The following ZNF705G variants were observed in gnomAD, a reference collection of about 807,000 sequenced individuals.
ZNF705G encodes zinc finger protein 705G.
Under a neutral mutation model 19.6 loss-of-function variants are expected in ZNF705G, and 23 were observed. The observed-to-expected ratio is 1.17, with a 90% CI of 0.84 to 1.66. The LOEUF (loss-of-function observed/expected upper bound fraction) is 1.66. ZNF705G is among the 40% of genes most tolerant of loss of function. The pLI is 0.00. For missense variants in ZNF705G, 457 were observed against 354.4 expected (o/e 1.29, Z -2.32); for synonymous variants, 146 against 117.7 (o/e 1.24, Z -1.56).
chr8:7,383,540 G>A (rs1175657826), intron 1 of ZNF705G, among the ~76,000 whole-genome samples: 1 of 146,610 alleles, frequency 6.8e-6, no homozygotes, highest in Non-Finnish European at 1.5e-5. Context: ...TAAATTGACA[G>A]AGGGAGGAAG....
chr8:7,360,197 A>C (rs1806508035), intron 5 of ZNF705G, 40 bp downstream of exon 5: 2 of 1,585,472 alleles, frequency 1.3e-6, no homozygotes, highest in Non-Finnish European at 1.7e-6. Flanking sequence ...TCATTGACAA[A>C]GCACCTCCTC....
At chr8:7,369,848 G>T (rs1170452590) in intron 2 of ZNF705G, among the ~76,000 whole-genome samples, 1 of 149,026 alleles carries the variant, frequency 6.7e-6, no homozygotes, top group Non-Finnish European at 1.5e-5. Context: ...GTTACACATG[G>T]ACGTAAAGAT....
chr8:7,377,977 AAG>A lies in ZNF705G; in HGVS notation c.-72+3473_-72+3474del, dbSNP rs1304332990. Among the ~76,000 whole-genome samples, 192 of 137,414 alleles carry A rather than the reference AAG, an allele frequency of 1.4e-3. 2 individuals carry two copies. The highest frequency in any genetic ancestry group is 5.9e-3 in the African/African-American group (181 of 30,488). 90.1% of individuals were successfully genotyped at this position (137,414 alleles called of 152,430 possible). On this transcript the variant is annotated intron_variant, in intron 2 of 6. Transcript: ENST00000400156. ...TCAAAAAAAAAAAAAAAAAAAAAAAAAGTTTATATTACATGTTATGACTTGAT... is the reference window on the plus strand; with the variant it reads ...TCAAAAAAAAAAAAAAAAAAAAAAAATTTATATTACATGTTATGACTTGAT...
chr8:7,368,760 C>A (rs575826745), intron 2 of ZNF705G, among the ~76,000 whole-genome samples: 4 of 149,828 alleles, frequency 2.7e-5, no homozygotes, highest in African/African-American at 7.7e-5. Flanking sequence ...CCAGTGCAAG[C>A]ACAGGACAGT....
chr8:7,363,633 CAACATGGTGAAACCCCGTCTGTAGT>C (rs1461251460), intron 2 of ZNF705G, among the ~76,000 whole-genome samples: 1 of 149,342 alleles, frequency 6.7e-6, no homozygotes, highest in African/African-American at 2.6e-5. Context: ...CTAGCCTGGC[CAACATGGTGAAACCCCGTCTGTAGT>C]AAAAATACAA....
chr8:7,382,279 G>A (rs1274055527), intron 1 of ZNF705G, among the ~76,000 whole-genome samples: 1 of 148,000 alleles, frequency 6.8e-6, no homozygotes, highest in Non-Finnish European at 1.5e-5. Context: ...GCTGTAACCT[G>A]AGAATGTTCC....
chr8:7,355,569 A>C lies in ZNF705G; in HGVS notation c.*2407T>G, dbSNP rs1285096377. The C allele has an allele frequency of 6.7e-6, 1 of 149,910 alleles. No homozygotes were observed. Among genetic ancestry groups the C allele is most frequent in the Non-Finnish European group, 1.5e-5 (1 of 68,036 alleles). 9.3% of individuals were successfully genotyped at this position (149,910 alleles called of 1,614,324 possible). A position where few individuals can be genotyped will look rare whatever the true frequency, so the allele number is the denominator to read the frequency against. On this transcript the variant is annotated 3_prime_UTR_variant, in exon 7 of 7. Coordinates refer to ENST00000400156, the MANE Select transcript of ZNF705G (RefSeq NM_001164457.3). ...TGGAAATAAAGAAGCAAATTCAAAA[A>C]TCAGTATACAAAAGCCGATTGATTC...
At chr8:7,363,704 C>A (rs1365798074) in intron 2 of ZNF705G, among the ~76,000 whole-genome samples, 1 of 149,210 alleles carries the variant, frequency 6.7e-6, no homozygotes, top group African/African-American at 2.6e-5. Context: ...GCCTGTAATC[C>A]CAGCTACTCA....
At chr8:7,369,688 A>G (rs1807010979) in intron 2 of ZNF705G, among the ~76,000 whole-genome samples, 1 of 149,776 alleles carries the variant, frequency 6.7e-6, no homozygotes, top group African/African-American at 2.6e-5. Context: ...AAAATACAGT[A>G]TATGTACACC....
At chr8:7,361,055 T>G (rs1456800921) in intron 4 of ZNF705G, 55 bp downstream of exon 4, 3 of 1,592,252 alleles carry the variant, frequency 1.9e-6, no homozygotes, top group Non-Finnish European at 2.5e-6. Context: ...TAACACTTAT[T>G]GAATGAATGA....
rs377737632 is a variant in ZNF705G, at chr8:7,358,225, G to T, written c.654C>A (p.His218Gln). 6.8e-6 allele frequency: 11 copies of T among 1,607,474 alleles called. 1 individual carries two copies. In the African/African-American group the frequency reaches 8.4e-5, roughly 12 times the overall value. ...GTCTCTGTCCCGTGTGAGTTTTCTC[G>T]TGTCTTCTAAGGTGAGAACACTGAG... ...AFTQCSHLRRHEKTHTGQRPY... is the reference protein window; with the variant it reads ...AFTQCSHLRRQEKTHTGQRPY... Residue 218 changes from histidine (H) to glutamine (Q), a missense_variant, in exon 7 of 7, where the codon CAC becomes CAA. Coordinates refer to ENST00000400156, the MANE Select transcript of ZNF705G (RefSeq NM_001164457.3).
chr8:7,358,173 CT>C lies in ZNF705G; in HGVS notation c.705del (p.Val236SerfsTer41), dbSNP rs761836482. The C allele has an allele frequency of 6.2e-7, 1 of 1,607,580 alleles. No individual in the cohort carries two copies. The highest frequency in any genetic ancestry group is 1.7e-5 in the Admixed American group (1 of 59,948). ...TGAAGGTTAAAGGATTGAATAAAGA[CT>C]TTCCCATATTGATGACACTTATATG... is the stretch of plus-strand genomic sequence containing the variant. ...QRPYKCHQYG[K>X]VFIQSFNLQR... On this transcript the variant is annotated frameshift_variant, in exon 7 of 7. Transcript: ENST00000400156. LOFTEE classifies it high-confidence loss of function.
chr8:7,366,006 T>C (rs1456788622), intron 2 of ZNF705G, among the ~76,000 whole-genome samples: 2 of 149,586 alleles, frequency 1.3e-5, no homozygotes, highest in East Asian at 1.9e-4. Flanking sequence ...CTATACAATG[T>C]TGAATGACAT....
In ZNF705G at chr8:7,358,269, G is replaced by A. The variant is rs777655373; in HGVS notation, c.610C>T (p.Leu204=). The A allele has an allele frequency of 3.1e-6, 5 of 1,607,664 alleles. No individual in the cohort carries two copies. The Admixed American group carries it at 5.0e-5, about 16-fold the overall frequency. The change falls in exon 7 of 7, where the codon CTA becomes TTA. Residue 204 remains leucine, a synonymous_variant. Coordinates refer to ENST00000400156, the MANE Select transcript of ZNF705G (RefSeq NM_001164457.3). The part of the protein sequence containing the change: ...HTGERPYACH[L]CRKAFTQCSH... ...CACTGAGTGAAGGCTTTTCTACATA[G>A]ATGACATGCATATGGCCTCTCTCCA...
intron 2 of ZNF705G, among the ~76,000 whole-genome samples, chr8:7,365,316 T>C (rs1290586678): frequency 1.3e-5 from 2 of 149,406 alleles, no homozygotes; most frequent in Admixed American, 1.3e-4. Context: ...CTTATGTATT[T>C]GGTGACTTCA....
intron 2 of ZNF705G, among the ~76,000 whole-genome samples, chr8:7,366,001 C>A (rs1454939571): frequency 6.7e-6 from 1 of 149,454 alleles, no homozygotes; most frequent in Non-Finnish European, 1.5e-5. Flanking sequence ...CAGTGCTATA[C>A]AATGTTGAAT....
intron 2 of ZNF705G, among the ~76,000 whole-genome samples, chr8:7,379,000 C>T (rs1440293111): frequency 6.7e-6 from 1 of 150,074 alleles, no homozygotes; most frequent in African/African-American, 2.5e-5. Flanking sequence ...AATTTTCCTC[C>T]ATTTAGACAC....
chr8:7,366,998 A>T (rs1390846001), intron 2 of ZNF705G, among the ~76,000 whole-genome samples: 1 of 149,702 alleles, frequency 6.7e-6, no homozygotes, highest in Non-Finnish European at 1.5e-5. Context: ...TTATAGTCAC[A>T]TGTGACTAGT....
At chr8:7,380,314 G>T (rs563648315) in intron 2 of ZNF705G, among the ~76,000 whole-genome samples, 1 of 147,050 alleles carries the variant, frequency 6.8e-6, no homozygotes. Flanking sequence ...ACCCAAGGTC[G>T]TTGTCCAGGA....
Sources: gnomAD v4.1 joint callset for allele counts (sites outside exome capture counted in the v4.1 genomes callset) on GRCh38, gnomAD v4.1.1 for gene constraint, MANE v1.5 for transcripts, NCBI Gene and HGNC (gene_info 2026-07-23, HGNC 2026-07-21) for gene names.